HIVEP3: variants seen among roughly 807,000 people sequenced by gnomAD.
HIVEP3 encodes transcription factor HIVEP3.
A neutral mutation model predicts 152.8 loss-of-function variants in HIVEP3; 49 were observed. The observed-to-expected ratio is 0.32, with a 90% CI of 0.26 to 0.41. The LOEUF (loss-of-function observed/expected upper bound fraction) is 0.41, where lower values mean the gene tolerates loss of function less well. Ranked by LOEUF, HIVEP3 falls within the 10% of genes least tolerant of loss-of-function variation. HIVEP3 has a pLI of 1.00. For missense variants in HIVEP3, 2,790 were observed against 3,103.3 expected, an observed-to-expected ratio of 0.90 and a Z score of 2.40; for synonymous variants, 1,269 against 1,289.0, an observed-to-expected ratio of 0.98 and a Z score of 0.33.
chr1:41,551,163 T>A (rs1643889712), intron 5 of HIVEP3, among the ~76,000 whole-genome samples: 1 of 152,252 alleles, frequency 6.6e-6, no homozygotes, highest in South Asian at 2.1e-4. Flanking sequence ...GTTCTGTTTA[T>A]GTGATGGATT....
chr1:42,006,024 A>G (rs985027669), intron 1 of HIVEP3, among the ~76,000 whole-genome samples: 2 of 152,214 alleles, frequency 1.3e-5, no homozygotes, highest in African/African-American at 4.8e-5. Context: ...AGTTCTACAC[A>G]GATAGCTTTA....
intron 2 of HIVEP3, among the ~76,000 whole-genome samples, chr1:41,673,067 G>A (rs911887882): frequency 2.0e-5 from 3 of 152,162 alleles, no homozygotes; most frequent in Admixed American, 6.5e-5. Flanking sequence ...TGAAAAATAC[G>A]GCACAGCTTC....
intron 3 of HIVEP3, among the ~76,000 whole-genome samples, chr1:41,606,306 T>C (rs1383734812): frequency 6.6e-6 from 1 of 152,010 alleles, no homozygotes; most frequent in East Asian, 1.9e-4. Flanking sequence ...CTTCCTACTA[T>C]GAGCAATAAA....
chr1:41,720,028 G>A (rs983136889), intron 1 of HIVEP3, among the ~76,000 whole-genome samples: 5 of 152,198 alleles, frequency 3.3e-5, no homozygotes, highest in African/African-American at 9.7e-5. Flanking sequence ...ACTGTGGAGC[G>A]GGGCTGGGGT....
chr1:41,604,802 T>C (rs1644794303), intron 3 of HIVEP3, among the ~76,000 whole-genome samples: 1 of 152,098 alleles, frequency 6.6e-6, no homozygotes, highest in Non-Finnish European at 1.5e-5. Flanking sequence ...ACCAATCTTA[T>C]GGTATTAGAA....
intron 5 of HIVEP3, among the ~76,000 whole-genome samples, chr1:41,553,107 C>T (rs1339651916): frequency 6.6e-6 from 1 of 152,180 alleles, no homozygotes; most frequent in African/African-American, 2.4e-5. Flanking sequence ...GAGTTAAAGT[C>T]TCTCATTATT....
intron 2 of HIVEP3, among the ~76,000 whole-genome samples, chr1:41,652,056 T>G (rs1267967773): frequency 3.3e-5 from 5 of 152,236 alleles, no homozygotes; most frequent in Non-Finnish European, 7.3e-5. Flanking sequence ...TTCACAGCAT[T>G]GACTCAAAGC....
intron 1 of HIVEP3, among the ~76,000 whole-genome samples, chr1:41,775,609 G>C (rs1164200238): frequency 2.0e-5 from 3 of 152,128 alleles, no homozygotes; most frequent in African/African-American, 7.2e-5. Context: ...TCCTGCCTCA[G>C]CCTCCCAAGT....
chr1:41,853,804 C>T (rs1159311674), intron 1 of HIVEP3, among the ~76,000 whole-genome samples: 2 of 152,142 alleles, frequency 1.3e-5, no homozygotes, highest in Non-Finnish European at 2.9e-5. Flanking sequence ...CTTGGGAACT[C>T]ACCAAGGCGA....
intron 2 of HIVEP3, among the ~76,000 whole-genome samples, chr1:41,636,600 T>A (rs1378078059): frequency 6.6e-6 from 1 of 152,098 alleles, no homozygotes; most frequent in Non-Finnish European, 1.5e-5. Context: ...GTAATAAGCA[T>A]CCACAAAACA....
intron 1 of HIVEP3, among the ~76,000 whole-genome samples, chr1:41,885,971 T>C (rs1644340036): frequency 6.6e-6 from 1 of 152,192 alleles, no homozygotes; most frequent in Admixed American, 6.5e-5. Flanking sequence ...GCAGATTTAC[T>C]GTGATGCTAA....
At chr1:41,527,372 GCACTCA>G (rs1272971831) in intron 5 of HIVEP3, among the ~76,000 whole-genome samples, 72 of 71,138 alleles carry the variant, frequency 1.0e-3, no homozygotes, top group African/African-American at 4.1e-3. Context: ...CCACACCCCT[GCACTCA>G]CACTCGCACT....
In HIVEP3 at chr1:41,583,445, C is replaced by A. The variant is rs750535474; in HGVS notation, c.1353G>T (p.Leu451=). ...LPLSTEDKPS[L]VPLSVPRTQV... ...GCGTCCGGGGTACAGACAAAGGCAC[C>A]AGGCTGGGCTTGTCTTCGGTGGACA... The change falls in exon 4 of 9, where the codon CTG becomes CTT. Residue 451 remains leucine, a synonymous_variant. Transcript: ENST00000372583. This position sits in a 1 kb window ranked among gnomAD's most constrained non-coding sequence, Gnocchi z 6.9. 6.2e-7 allele frequency: 1 copy of A among 1,613,916 alleles called. No homozygotes were observed. Among genetic ancestry groups the A allele is most frequent in the African/African-American group, 1.3e-5 (1 of 74,970 alleles).
At chr1:41,933,515 A>G (rs1018415806) in intron 1 of HIVEP3, among the ~76,000 whole-genome samples, 3 of 152,140 alleles carry the variant, frequency 2.0e-5, no homozygotes, top group African/African-American at 7.2e-5. Context: ...TTTGCACAGC[A>G]TATCTTTTTC....
chr1:41,632,997 G>A (rs1404005152), intron 2 of HIVEP3, among the ~76,000 whole-genome samples: 1 of 152,010 alleles, frequency 6.6e-6, no homozygotes, highest in East Asian at 1.9e-4. Context: ...TGAGGGGTGT[G>A]GCTTGAGGAG....
intron 3 of HIVEP3, among the ~76,000 whole-genome samples, chr1:41,617,708 G>T (rs1170712745): frequency 6.6e-6 from 1 of 152,242 alleles, no homozygotes; most frequent in Non-Finnish European, 1.5e-5. Context: ...GTAGGATTCA[G>T]ACTTCTCATC....
At chr1:41,553,400 C>A (rs1161197886) in intron 5 of HIVEP3, among the ~76,000 whole-genome samples, 1 of 152,152 alleles carries the variant, frequency 6.6e-6, no homozygotes, top group Non-Finnish European at 1.5e-5. Flanking sequence ...TGTCTCTGCA[C>A]ATGAGATTGG....
intron 2 of HIVEP3, among the ~76,000 whole-genome samples, chr1:41,690,399 T>C (rs113901394): frequency 3.7e-4 from 57 of 152,272 alleles, no homozygotes; most frequent in African/African-American, 1.3e-3. Context: ...GGCAGGAGAT[T>C]GTGGGGACAC....
chr1:41,507,852 T>C lies in HIVEP3; in HGVS notation c.*2599A>G, dbSNP rs576722209. The stretch of plus-strand genomic sequence containing the variant: ...GTGACATATACCCAGGCTGGTGGCA[T>C]TGGTTCTGTCCCTCTGGGCACGGCA... On this transcript the variant is annotated 3_prime_UTR_variant, in exon 9 of 9. Coordinates refer to ENST00000372583, the MANE Select transcript of HIVEP3 (RefSeq NM_024503.5). The C allele has an allele frequency of 2.6e-5, 4 of 152,260 alleles. No individual in the cohort carries two copies. Among genetic ancestry groups the C allele is most frequent in the Non-Finnish European group, 5.9e-5 (4 of 68,094 alleles). 9.4% of individuals were successfully genotyped at this position (152,260 alleles called of 1,614,324 possible). A position where few individuals can be genotyped will look rare whatever the true frequency, so the allele number is the denominator to read the frequency against.
Sources: gnomAD v4.1 joint callset for allele counts (sites outside exome capture counted in the v4.1 genomes callset) on GRCh38, gnomAD v4.1.1 for gene constraint, Gnocchi (gnomAD v3.1) non-coding constraint, MANE v1.5 for transcripts, NCBI Gene and HGNC (gene_info 2026-07-23, HGNC 2026-07-21) for gene names.